HERC1: variants seen among roughly 807,000 people sequenced by gnomAD.
HERC1 encodes probable E3 ubiquitin-protein ligase HERC1.
In HERC1, 160 loss-of-function variants were observed where a neutral mutation model predicts 554.3. The observed-to-expected ratio is 0.29, with a 90% CI of 0.25 to 0.33. The LOEUF (loss-of-function observed/expected upper bound fraction) is 0.33, where lower values mean the gene tolerates loss of function less well. Ranked by LOEUF, HERC1 falls within the 10% of genes least tolerant of loss-of-function variation. The pLI is 1.00. For missense variants in HERC1, 4,919 were observed against 5,918.5 expected (o/e 0.83, Z 5.54); for synonymous variants, 2,175 against 2,131.7 (o/e 1.02, Z -0.56).
chr15:63,717,280 C>A (rs1233794485), intron 21 of HERC1, among the ~76,000 whole-genome samples: 3 of 152,130 alleles, frequency 2.0e-5, no homozygotes, highest in Admixed American at 1.3e-4. Context: ...TAATACATTT[C>A]ATGGACTTTC....
At chr15:63,699,242 C>T (rs2072592427) in intron 25 of HERC1, among the ~76,000 whole-genome samples, 5 of 152,178 alleles carry the variant, frequency 3.3e-5, no homozygotes. Context: ...TCTCTGTAAG[C>T]GCTTTAGCAA....
chr15:63,713,316 T>C (rs758596055), intron 23 of HERC1, 37 bp downstream of exon 23: 2 of 1,526,704 alleles, frequency 1.3e-6, no homozygotes, highest in Admixed American at 3.4e-5. Context: ...TAAAGGGAAG[T>C]GAGTAGGTCA....
intron 1 of HERC1, among the ~76,000 whole-genome samples, chr15:63,788,819 G>A (rs2076535535): frequency 6.6e-6 from 1 of 150,592 alleles, no homozygotes; most frequent in Non-Finnish European, 1.5e-5. Flanking sequence ...TGGAGGCTGG[G>A]GCAGGAGATC....
chr15:63,706,202 C>T (rs1176741752), intron 25 of HERC1, among the ~76,000 whole-genome samples: 2 of 151,970 alleles, frequency 1.3e-5, no homozygotes, highest in African/African-American at 4.8e-5. Flanking sequence ...CCTTAACTCT[C>T]AATGACACTC....
chr15:63,620,435 AGGTGT>A (rs1352760708), intron 74 of HERC1, among the ~76,000 whole-genome samples: 2 of 152,120 alleles, frequency 1.3e-5, no homozygotes, highest in African/African-American at 4.8e-5. Context: ...ATTTTGGAAT[AGGTGT>A]GGTGTGGTGC....
chr15:63,666,500 C>T, intron 40 of HERC1, 28 bp from the exon 41 acceptor site: 2 of 1,397,438 alleles, frequency 1.4e-6, no homozygotes, highest in Non-Finnish European at 2.0e-6. Context: ...GAAATAAGAA[C>T]CTAAATATCA....
chr15:63,672,513 C>T lies in HERC1; in HGVS notation c.8028G>A (p.Met2676Ile). 1.3e-6 allele frequency: 2 copies of T among 1,596,826 alleles called. No homozygotes were observed. The highest frequency in any genetic ancestry group is 1.7e-6 in the Non-Finnish European group (2 of 1,171,342). ...TTCTCTACCTGAGAAGACTAAGAGG[C>T]ATCACTCCCGGGGACTCGGATGCAG... ...TVPASESPGV[M>I]PLSLLRQMFS... The change falls in exon 39 of 78, where the codon ATG (methionine) becomes ATA (isoleucine). Residue 2676 changes from methionine to isoleucine, a missense_variant. Coordinates refer to ENST00000443617, the MANE Select transcript of HERC1 (RefSeq NM_003922.4).
chr15:63,693,299 A>T (rs2072225958), intron 30 of HERC1, among the ~76,000 whole-genome samples: 1 of 149,662 alleles, frequency 6.7e-6, no homozygotes. Context: ...GCTAAAGTGC[A>T]GTGGTGTGAT....
chr15:63,746,384 TA>T (rs2075055935), intron 12 of HERC1, among the ~76,000 whole-genome samples: 3 of 152,328 alleles, frequency 2.0e-5, no homozygotes, highest in Admixed American at 1.3e-4. Context: ...AATATATAGA[TA>T]TTTTTAAGTT....
intron 37 of HERC1, among the ~76,000 whole-genome samples, chr15:63,675,549 T>C (rs1595946336): frequency 6.6e-6 from 1 of 152,198 alleles, no homozygotes; most frequent in East Asian, 1.9e-4. Context: ...GTTGGTCAGA[T>C]GTAGTTTGAT....
Position 63,640,330 on chromosome 15 carries a change from T to C in HERC1, c.11723A>G (p.His3908Arg), listed in dbSNP as rs1325960543. Residue 3908 changes from histidine to arginine, a missense_variant, in exon 61 of 78, where the codon CAC (histidine) becomes CGC (arginine). Transcript: ENST00000443617. ...AGGGTCAGGGAGACAGTTCTGGTGG[T>C]GTGGTGGCACTGGAGGGTTACACAA... ...QLLCNPPVPP[H>R]HQNCLPDPAS... The C allele has an allele frequency of 6.2e-7, 1 of 1,613,900 alleles. No individual in the cohort carries two copies.
At chr15:63,729,782 G>C in intron 14 of HERC1, 133 bp from the exon 15 acceptor site, 2 of 775,010 alleles carry the variant, frequency 2.6e-6, no homozygotes, top group Non-Finnish European at 2.1e-6. Context: ...CAGCACTTTG[G>C]GAGTCCGAGG....
At chr15:63,670,956 C>T (rs553057722) in intron 39 of HERC1, among the ~76,000 whole-genome samples, 32 of 152,140 alleles carry the variant, frequency 2.1e-4, no homozygotes, top group African/African-American at 7.2e-4. Context: ...AATCTCTGCA[C>T]TTTGGGAGGC....
At chr15:63,729,729 C>G in intron 14 of HERC1, 80 bp from the exon 15 acceptor site, 1 of 1,445,542 alleles carries the variant, frequency 6.9e-7, no homozygotes, top group Non-Finnish European at 9.5e-7. Flanking sequence ...CTGATTTAAG[C>G]AGCATTATAT....
chr15:63,690,562 T>A lies in HERC1; in HGVS notation c.5916A>T (p.Val1972=), dbSNP rs771839545. The change falls in exon 32 of 78, where the codon GTA becomes GTT. Residue 1972 remains valine, a synonymous_variant. Coordinates refer to ENST00000443617, the MANE Select transcript of HERC1 (RefSeq NM_003922.4). ...EAVLPACESG[V]EDDQMAQIVE... ...AAACCTGGGCCATTTGATCATCTTC[T>A]ACACCAGATTCACAAGCTGGCAGCA... 3.1e-6 allele frequency: 5 copies of A among 1,611,282 alleles called. No individual in the cohort carries two copies. The Admixed American group carries it at 8.4e-5, about 27-fold the overall frequency.
intron 1 of HERC1, among the ~76,000 whole-genome samples, chr15:63,829,746 T>G (rs1181880863): frequency 2.0e-5 from 3 of 151,484 alleles, no homozygotes; most frequent in African/African-American, 7.3e-5. Flanking sequence ...ACTCCAGGAC[T>G]GGTGCAAGGA....
rs62012818 is a variant in HERC1 at position 63,612,081 on chromosome 15, C to G, written c.14400+170G>C. ...CACGCACCTGTAGTCCCAGCTACTG[C>G]GGAGGCTGAGGCAGGAGAACTGCTT... On this transcript the variant is annotated intron_variant, in intron 77 of 77. Transcript: ENST00000443617. This position sits in a 1 kb window ranked among gnomAD's most constrained non-coding sequence, Gnocchi z 5.0. 0.16 allele frequency among the ~76,000 whole-genome samples: 23,756 copies of G among 152,178 alleles called. 2,219 individuals carry two copies. The highest frequency in any genetic ancestry group is 0.21 in the Middle Eastern group (63 of 294).
chr15:63,675,948 G>C (rs2071179866), intron 37 of HERC1, among the ~76,000 whole-genome samples: 1 of 144,232 alleles, frequency 6.9e-6, no homozygotes, highest in African/African-American at 2.5e-5. Flanking sequence ...CTGTCACCCA[G>C]GCTGCAGTGC....
intron 68 of HERC1, among the ~76,000 whole-genome samples, chr15:63,631,640 A>T (rs2152804684): frequency 6.6e-6 from 1 of 152,298 alleles, no homozygotes; most frequent in African/African-American, 2.4e-5. Context: ...TCCAGGTTCA[A>T]GCAATTCTCC....
Sources: gnomAD v4.1 joint callset for allele counts (sites outside exome capture counted in the v4.1 genomes callset) on GRCh38, gnomAD v4.1.1 for gene constraint, Gnocchi (gnomAD v3.1) non-coding constraint, MANE v1.5 for transcripts, NCBI Gene and HGNC (gene_info 2026-07-23, HGNC 2026-07-21) for gene names.